Variants in ENTREP2 observed in about 807,000 individuals in gnomAD.
The protein encoded by ENTREP2 is endosomal transmembrane epsin interactor 2.
chr15:29,306,664 ATTTTTTTTTTTTTTTTTTTTTTTT>A, the ENTREP2 span, among the ~76,000 whole-genome samples: 728 of 77,346 alleles, frequency 9.4e-3, 7 homozygotes, highest in African/African-American at 0.023. Context: ...ATAATTGGTA[ATTTTTTTTTTTTTTTTTTTTTTTT>A]TTTTTTTTTT....
chr15:29,341,527 T>C, the ENTREP2 span, among the ~76,000 whole-genome samples: 1 of 152,272 alleles, frequency 6.6e-6, no homozygotes, highest in Middle Eastern at 3.4e-3. Flanking sequence ...AGTGAATCAC[T>C]CCACAACATG....
the ENTREP2 span, among the ~76,000 whole-genome samples, chr15:29,183,609 T>C: frequency 6.6e-6 from 1 of 152,312 alleles, no homozygotes; most frequent in Admixed American, 6.5e-5. Flanking sequence ...CCCACGAAGA[T>C]GACTAAGGCA....
chr15:29,565,552 AAAT>A, the ENTREP2 span, among the ~76,000 whole-genome samples: 631 of 152,386 alleles, frequency 4.1e-3, 4 homozygotes, highest in African/African-American at 0.015. Flanking sequence ...ATGTGTTAAA[AAAT>A]AATAATAATG....
chr15:29,179,902 C>A, the ENTREP2 span, among the ~76,000 whole-genome samples: 1 of 152,008 alleles, frequency 6.6e-6, no homozygotes, highest in African/African-American at 2.4e-5. Context: ...GAGTCTTAAA[C>A]TTGGGAGTGG....
chr15:29,242,591 G>T, the ENTREP2 span, among the ~76,000 whole-genome samples: 2 of 152,148 alleles, frequency 1.3e-5, no homozygotes, highest in African/African-American at 4.8e-5. Context: ...TTCCTAAGGG[G>T]CTCTTCAGAC....
chr15:29,531,100 G>C, the ENTREP2 span, among the ~76,000 whole-genome samples: 1 of 152,316 alleles, frequency 6.6e-6, no homozygotes, highest in African/African-American at 2.4e-5. Context: ...ACTGTTCTCA[G>C]CCTCAGGTAG....
the ENTREP2 span, chr15:29,234,125 T>A: frequency 6.5e-7 from 1 of 1,538,324 alleles, no homozygotes; most frequent in Non-Finnish European, 9.0e-7. Flanking sequence ...CAATGACACA[T>A]TGGGACTCTG....
the ENTREP2 span, among the ~76,000 whole-genome samples, chr15:29,572,493 C>G: frequency 6.6e-6 from 1 of 151,980 alleles, no homozygotes; most frequent in Admixed American, 6.5e-5. Context: ...TTCATTCATC[C>G]GTTCATTCAT....
the ENTREP2 span, among the ~76,000 whole-genome samples, chr15:29,396,595 GCA>G: frequency 1.3e-5 from 2 of 152,088 alleles, no homozygotes; most frequent in African/African-American, 4.8e-5. Flanking sequence ...GTCCTTTGAT[GCA>G]CAAGTTTTTA....
the ENTREP2 span, among the ~76,000 whole-genome samples, chr15:29,523,960 C>T: frequency 3.3e-5 from 5 of 151,996 alleles, no homozygotes; most frequent in African/African-American, 1.2e-4. Context: ...TGTAAATTTT[C>T]ATGATGTTGG....
At chr15:29,374,503 C>T in the ENTREP2 span, 1 of 152,144 alleles carries the variant, frequency 6.6e-6, no homozygotes, top group Non-Finnish European at 1.5e-5. Flanking sequence ...CCCTCCTTTA[C>T]AGTATTTTCA....
chr15:29,126,291 T>C, the ENTREP2 span: 1 of 1,482,560 alleles, frequency 6.7e-7, no homozygotes, highest in South Asian at 1.4e-5. Context: ...GTGCACAAGG[T>C]GGGGTCGCTG....
At chr15:29,303,186 C>T in the ENTREP2 span, among the ~76,000 whole-genome samples, 1 of 152,234 alleles carries the variant, frequency 6.6e-6, no homozygotes, top group African/African-American at 2.4e-5. Flanking sequence ...CTGTATCCTT[C>T]TCAGCCCCAG....
the ENTREP2 span, among the ~76,000 whole-genome samples, chr15:29,152,578 C>T: frequency 6.6e-6 from 1 of 152,214 alleles, no homozygotes; most frequent in Non-Finnish European, 1.5e-5. Context: ...CCTTTAGACT[C>T]ATCCAGGTTG....
At chr15:29,458,169 C>T in the ENTREP2 span, among the ~76,000 whole-genome samples, 90 of 152,198 alleles carry the variant, frequency 5.9e-4, 1 homozygote, top group Admixed American at 3.5e-3. Context: ...GGTCCAAAGG[C>T]CCAAGAACCA....
the ENTREP2 span, among the ~76,000 whole-genome samples, chr15:29,287,476 T>C: frequency 6.6e-6 from 1 of 151,060 alleles, no homozygotes; most frequent in Non-Finnish European, 1.5e-5. Context: ...CCTTTTGAGG[T>C]GGCTTGTGGC....
chr15:29,570,046 A>ACCCCCC, the ENTREP2 span: 1 of 62,796 alleles, frequency 1.6e-5, no homozygotes. Flanking sequence ...CCGCCCCCCC[A>ACCCCCC]CCCCACCCCC....
chr15:29,313,992 G>C, the ENTREP2 span, among the ~76,000 whole-genome samples: 1 of 152,202 alleles, frequency 6.6e-6, no homozygotes, highest in African/African-American at 2.4e-5. Flanking sequence ...CGTGGAGGAA[G>C]TAATCACAGA....
At chr15:29,164,482 G>A in the ENTREP2 span, among the ~76,000 whole-genome samples, 3 of 152,078 alleles carry the variant, frequency 2.0e-5, no homozygotes, top group Non-Finnish European at 4.4e-5. Flanking sequence ...GTAAAGAGGT[G>A]GAAAAAGGCA....
Sources: gnomAD v4.1 joint callset for allele counts (sites outside exome capture counted in the v4.1 genomes callset) on GRCh38, gnomAD v4.1.1 for gene constraint, MANE v1.5 for transcripts, NCBI Gene and HGNC (gene_info 2026-07-23, HGNC 2026-07-21) for gene names.